GFRA2: variants seen among roughly 807,000 people sequenced by gnomAD.
GFRA2 encodes GDNF family receptor alpha 2, also known as GDNF family receptor alpha-2.
GFRA2 carries 17 observed loss-of-function variants against 48.3 expected under a neutral mutation model. The observed-to-expected ratio is 0.35, with a 90% confidence interval of 0.24 to 0.53. The LOEUF (loss-of-function observed/expected upper bound fraction) is 0.53. GFRA2 is among the 20% of genes least tolerant of loss of function. The pLI is 0.93. For synonymous variants in GFRA2, 305 were observed against 257.2 expected, an observed-to-expected ratio of 1.19 and a Z score of -1.78; for missense variants, 660 against 637.3, an observed-to-expected ratio of 1.04 and a Z score of -0.38.
chr8:21,770,757 C>A (rs1445419816), intron 3 of GFRA2, among the ~76,000 whole-genome samples: 1 of 152,166 alleles, frequency 6.6e-6, no homozygotes, highest in African/African-American at 2.4e-5. Flanking sequence ...ATGCCTCTGC[C>A]CAACCCGCCC....
At chr8:21,754,300 G>A (rs1444810132) in intron 3 of GFRA2, among the ~76,000 whole-genome samples, 4 of 152,144 alleles carry the variant, frequency 2.6e-5, no homozygotes, top group Admixed American at 6.5e-5. Context: ...TGGAATAAAT[G>A]TATTTAGGCC....
At chr8:21,700,343 G>A (rs1037495713) in intron 7 of GFRA2, among the ~76,000 whole-genome samples, 16 of 152,228 alleles carry the variant, frequency 1.1e-4, no homozygotes, top group Non-Finnish European at 2.9e-5. Flanking sequence ...GGGCTGCCCA[G>A]AGAGGGGGCC....
intron 4 of GFRA2, among the ~76,000 whole-genome samples, chr8:21,743,144 T>C (rs1804836380): frequency 6.6e-6 from 1 of 152,124 alleles, no homozygotes; most frequent in South Asian, 2.1e-4. Flanking sequence ...GAGCCCCTAC[T>C]GAGACCAGCA....
intron 7 of GFRA2, among the ~76,000 whole-genome samples, chr8:21,699,044 A>G (rs1585223384): frequency 6.6e-6 from 1 of 152,096 alleles, no homozygotes; most frequent in African/African-American, 2.4e-5. Flanking sequence ...AGGTGCACCA[A>G]TCACCTTCTC....
intron 2 of GFRA2, among the ~76,000 whole-genome samples, chr8:21,779,370 GCCAGTGA>G (rs1219036617): frequency 6.6e-6 from 1 of 152,204 alleles, no homozygotes; most frequent in African/African-American, 2.4e-5. Context: ...TACAGAGGGA[GCCAGTGA>G]CATGGGAAGG....
rs1050683954 is a variant in GFRA2 at position 21,713,599 on chromosome 8, C to T, written c.795-7558G>A. ...CACAAGCAGAAGTCATCTAGATTTG[C>T]GTGGGTACAGGTGGACTTTCTATAG... is the stretch of plus-strand genomic sequence containing the variant. On this transcript the variant is annotated intron_variant, in intron 4 of 8. Coordinates refer to ENST00000524240, the MANE Select transcript of GFRA2 (RefSeq NM_001495.5). 6.6e-5 allele frequency among the ~76,000 whole-genome samples: 10 copies of T among 151,960 alleles called. No homozygotes were observed. The East Asian group carries it at 1.4e-3, about 21-fold the overall frequency.
At chr8:21,789,548 G>A (rs1807475736), upstream of GFRA2, among the ~76,000 whole-genome samples, 1 of 152,128 alleles carries the variant, frequency 6.6e-6, no homozygotes, top group African/African-American at 2.4e-5. Context: ...CAGGAGCCGA[G>A]GCCGACAAAG....
chr8:21,734,394 C>T (rs1804349202), intron 4 of GFRA2, among the ~76,000 whole-genome samples: 1 of 152,260 alleles, frequency 6.6e-6, no homozygotes, highest in Admixed American at 6.5e-5. Flanking sequence ...AGACCTTTCT[C>T]CTGCTGGAAG....
chr8:21,754,885 T>G (rs571486524), intron 3 of GFRA2, among the ~76,000 whole-genome samples: 1 of 152,200 alleles, frequency 6.6e-6, no homozygotes, highest in East Asian at 1.9e-4. Flanking sequence ...GGAGGGTACA[T>G]CCAGACAAAA....
At chr8:21,768,637 C>A (rs910601295) in intron 3 of GFRA2, among the ~76,000 whole-genome samples, 1 of 152,196 alleles carries the variant, frequency 6.6e-6, no homozygotes, top group South Asian at 2.1e-4. Flanking sequence ...AGACACCGGC[C>A]GAGCAAAGCC....
chr8:21,778,675 G>GAA (rs1806827477), intron 2 of GFRA2, among the ~76,000 whole-genome samples: 2 of 152,212 alleles, frequency 1.3e-5, no homozygotes, highest in African/African-American at 4.8e-5. Flanking sequence ...GAGATTGCTT[G>GAA]AGGCCAGAAG....
intron 3 of GFRA2, among the ~76,000 whole-genome samples, chr8:21,758,130 G>A (rs2050509884): frequency 6.6e-6 from 1 of 151,752 alleles, no homozygotes; most frequent in Admixed American, 6.6e-5. Flanking sequence ...CAAGCTCCCT[G>A]TGATTCTGAG....
At position 21,782,815 on chromosome 8, in the gene GFRA2, C is replaced by A. The variant is rs1223106462; in HGVS notation, c.125G>T (p.Arg42Leu). The A allele has an allele frequency of 1.3e-6, 2 of 1,575,806 alleles. No individual in the cohort carries two copies. Among genetic ancestry groups the A allele is most frequent in the East Asian group, 4.6e-5 (2 of 43,272 alleles). Reference protein sequence around the residue: ...HGWRPPVDCVRANELCAAESN... With the variant: ...HGWRPPVDCVLANELCAAESN... Reference sequence around the variant, plus strand: ...TTCGGCGGCACACAGCTCATTGGCCCGGACACAGTCCACTGGGGGGCGCCA... The same window carrying A: ...TTCGGCGGCACACAGCTCATTGGCCAGGACACAGTCCACTGGGGGGCGCCA... Residue 42 changes from arginine (R) to leucine (L), a missense_variant, in exon 2 of 9, where the codon CGG (arginine) becomes CTG (leucine). By Grantham distance (102) the Arg-to-Leu change is moderately radical. Transcript: ENST00000524240.
At chr8:21,767,491 G>C (rs1313360671) in intron 3 of GFRA2, among the ~76,000 whole-genome samples, 1 of 152,234 alleles carries the variant, frequency 6.6e-6, no homozygotes, top group African/African-American at 2.4e-5. Flanking sequence ...GAATGCCCAG[G>C]GCACGTGCTC....
At chr8:21,755,333 ACT>A (rs1805516767) in intron 3 of GFRA2, among the ~76,000 whole-genome samples, 2 of 151,858 alleles carry the variant, frequency 1.3e-5, no homozygotes, top group South Asian at 2.1e-4. Flanking sequence ...GTAGATGGGA[ACT>A]CTCTGTACCT....
At chr8:21,742,676 C>G (rs1804809229) in intron 4 of GFRA2, among the ~76,000 whole-genome samples, 1 of 152,176 alleles carries the variant, frequency 6.6e-6, no homozygotes, top group Admixed American at 6.5e-5. Flanking sequence ...AACACACGCC[C>G]AGTTGTAGGT....
intron 4 of GFRA2, chr8:21,706,264 G>A (rs886981163): frequency 3.1e-6 from 2 of 654,074 alleles, no homozygotes; most frequent in Non-Finnish European, 5.6e-6. Context: ...ACATAGTGCG[G>A]CTTAAGAAAA....
intron 7 of GFRA2, among the ~76,000 whole-genome samples, chr8:21,698,900 C>T (rs1802338662): frequency 6.6e-6 from 1 of 152,066 alleles, no homozygotes; most frequent in Non-Finnish European, 1.5e-5. Flanking sequence ...TGCAACCCCA[C>T]ACCCATTCTC....
intron 4 of GFRA2, among the ~76,000 whole-genome samples, chr8:21,736,996 C>T (rs1804500065): frequency 6.6e-6 from 1 of 151,652 alleles, no homozygotes; most frequent in South Asian, 2.1e-4. Flanking sequence ...TCCCAAGAAA[C>T]AGCAGGTCCG....
Sources: gnomAD v4.1 joint callset for allele counts (sites outside exome capture counted in the v4.1 genomes callset) on GRCh38, gnomAD v4.1.1 for gene constraint, MANE v1.5 for transcripts, NCBI Gene and HGNC (gene_info 2026-07-23, HGNC 2026-07-21) for gene names.